The following UBA3 variants were observed in gnomAD, a reference collection of about 807,000 sequenced individuals.
UBA3 encodes the protein NEDD8-activating enzyme E1 catalytic subunit.
Under a neutral mutation model 73.5 loss-of-function variants are expected in UBA3, and 26 were observed. That is an observed-to-expected ratio of 0.35 (90% confidence interval 0.26 to 0.49). The LOEUF (loss-of-function observed/expected upper bound fraction) is 0.49, where lower values mean the gene tolerates loss of function less well. Ranked by LOEUF, UBA3 falls within the 20% of genes least tolerant of loss-of-function variation. The probability of loss-of-function intolerance (pLI) is 0.98; values close to 1 mark genes in which losing one functional copy is unlikely to be tolerated. For synonymous variants in UBA3, 217 were observed against 191.2 expected (o/e 1.13, Z -1.11); for missense variants, 495 against 555.6 (o/e 0.89, Z 1.10).
At position 69,078,811 on chromosome 3, in the gene UBA3, G is replaced by C. The variant is rs571177463; in HGVS notation, c.63-893C>G. On this transcript the variant is annotated intron_variant, in intron 2 of 17. Coordinates refer to ENST00000361055, the MANE Select transcript of UBA3 (RefSeq NM_003968.4). ...TTTAAAGAATCTCTTAATGCTGTGG[G>C]ACGGCTTTTCTTGCCACTAAACACA... Among the ~76,000 whole-genome samples, 4 of 152,238 alleles carry C rather than the reference G, an allele frequency of 2.6e-5. No homozygotes were observed. In the East Asian group the frequency reaches 7.7e-4, roughly 29 times the overall value.
intron 8 of UBA3, 86 bp from the exon 9 acceptor site, chr3:69,063,223 G>T: frequency 1.3e-6 from 2 of 1,533,904 alleles, no homozygotes; most frequent in Non-Finnish European, 1.8e-6. Flanking sequence ...CCTATGAGTC[G>T]GTTGTGCTAT....
chr3:69,061,353 A>G (rs1303729837), intron 11 of UBA3, among the ~76,000 whole-genome samples: 1 of 152,102 alleles, frequency 6.6e-6, no homozygotes, highest in African/African-American at 2.4e-5. Flanking sequence ...GTGCCACCAC[A>G]CCCAGCTAAT....
chr3:69,068,787 T>C lies in UBA3; in HGVS notation c.348-779A>G, dbSNP rs925992071. ...AGTTTTGCCATGTTGGTCAGGCTGG[T>C]CTCGAACTCCTGACCTCAGGTGATC... On this transcript the variant is annotated intron_variant, in intron 5 of 17. Coordinates refer to ENST00000361055, the MANE Select transcript of UBA3 (RefSeq NM_003968.4). Among the ~76,000 whole-genome samples the C allele has an allele frequency of 5.3e-5, 8 of 152,296 alleles. No homozygotes were observed. The East Asian group carries it at 1.4e-3, about 26-fold the overall frequency.
chr3:69,064,080 TGTC>T lies in UBA3; in HGVS notation c.457_459del (p.Asp153del). ...GTAAAAAACTTACGTCGATAGAAAGTGTCGTTAAAATCTTGAATCTTGTTGAAA... is the reference window on the plus strand; with the variant it reads ...GTAAAAAACTTACGTCGATAGAAAGTGTTAAAATCTTGAATCTTGTTGAAA... On this transcript the variant is annotated inframe_deletion, in exon 7 of 18. Transcript: ENST00000361055. 2 of 1,603,258 alleles carry T rather than the reference TGTC, an allele frequency of 1.2e-6. No individual in the cohort carries two copies. The highest frequency in any genetic ancestry group is 1.7e-6 in the Non-Finnish European group (2 of 1,176,196).
intron 10 of UBA3, 62 bp downstream of exon 10, chr3:69,062,015 G>A: frequency 7.0e-7 from 1 of 1,422,778 alleles, no homozygotes; most frequent in East Asian, 2.3e-5. Context: ...ATTATCCAAA[G>A]GAATAATATA....
At position 69,080,158 on chromosome 3, in the gene UBA3, AAG is replaced by A. The variant is rs758801985; in HGVS notation, c.21-7_21-6del. 1.9e-6 allele frequency: 3 copies of A among 1,608,674 alleles called. No homozygotes were observed. Among genetic ancestry groups the A allele is most frequent in the Non-Finnish European group, 2.5e-6 (3 of 1,178,556 alleles). On this transcript the variant is annotated splice_region_variant and splice_polypyrimidine_tract_variant and intron_variant, in intron 1 of 17. Coordinates refer to ENST00000361055, the MANE Select transcript of UBA3 (RefSeq NM_003968.4). ...ATTCTCCTTCTTTTCTTCTCCCTAAAAGAGAGAATAAAAGAAGGGTCAGCATC... is the reference window on the plus strand; with the variant it reads ...ATTCTCCTTCTTTTCTTCTCCCTAAAAGAGAATAAAAGAAGGGTCAGCATC...
intron 3 of UBA3, among the ~76,000 whole-genome samples, chr3:69,075,954 CT>C (rs1264329060): frequency 6.6e-6 from 1 of 152,142 alleles, no homozygotes; most frequent in East Asian, 1.9e-4. Context: ...TGGCCTTGAA[CT>C]CCTGACCTCA....
At position 69,061,944 on chromosome 3, in the gene UBA3, A is replaced by AG. The variant is rs745463603; in HGVS notation, c.797-18dup. ...GAACCCCTTCTGTTTAAAAAAAAAA[A>AG]GGGAGAGAGAGAGAGAGAGAAGACA... On this transcript the variant is annotated splice_polypyrimidine_tract_variant and intron_variant, in intron 10 of 17. Coordinates refer to ENST00000361055, the MANE Select transcript of UBA3 (RefSeq NM_003968.4). The AG allele has an allele frequency of 7.0e-7, 1 of 1,436,262 alleles. No individual in the cohort carries two copies. The allele number at this position is 1,436,262 out of a possible 1,614,324, so 89.0% of individuals were successfully genotyped here.
At position 69,061,908 on chromosome 3, in the gene UBA3, T is replaced by C. The variant is rs898076195; in HGVS notation, c.816A>G (p.Gly272=). The C allele has an allele frequency of 1.9e-6, 3 of 1,603,814 alleles. No homozygotes were observed. Among genetic ancestry groups the C allele is most frequent in the Admixed American group, 3.4e-5 (2 of 58,418 alleles). Residue 272 remains glycine (G), a synonymous_variant, in exon 11 of 18, where the codon GGA becomes GGG. Transcript: ENST00000361055. ...QPFGEGVPLD[G]DDPEHIQWIF... is the part of the protein sequence containing the mutation. ...TCCATTGTATATGTTCAGGATCATC[T>C]CCATCTAATGGAACCCCTTCTGTTT...
intron 3 of UBA3, chr3:69,077,200 GC>G (rs1420271748): frequency 2.0e-5 from 3 of 150,890 alleles, no homozygotes; most frequent in Non-Finnish European, 4.4e-5. Flanking sequence ...CCAAGAGTTT[GC>G]ACGTTAATTT....
chr3:69,071,486 T>C (rs2092121678), intron 5 of UBA3, 49 bp downstream of exon 5: 1 of 998,616 alleles, frequency 1.0e-6, no homozygotes, highest in Non-Finnish European at 1.5e-6. Context: ...CAAGTTCAAA[T>C]GATTATCAGA....
intron 3 of UBA3, 147 bp from the exon 4 acceptor site, chr3:69,075,657 G>C (rs1479341844): frequency 3.0e-6 from 1 of 336,486 alleles, no homozygotes; most frequent in Non-Finnish European, 5.6e-6. Flanking sequence ...TCAATTATTT[G>C]AAATTTGTGA....
intron 11 of UBA3, 109 bp from the exon 12 acceptor site, chr3:69,057,418 G>T: frequency 1.0e-6 from 1 of 957,664 alleles, no homozygotes; most frequent in South Asian, 1.6e-5. Flanking sequence ...TGATTTTTCA[G>T]ACTTTCAAGC....
At chr3:69,077,066 T>C (rs1186732264) in intron 3 of UBA3, among the ~76,000 whole-genome samples, 1 of 151,722 alleles carries the variant, frequency 6.6e-6, no homozygotes, top group Non-Finnish European at 1.5e-5. Context: ...ATATGGTGTG[T>C]TATCTAAAGA....
chr3:69,073,214 T>C (rs762311903), intron 4 of UBA3, among the ~76,000 whole-genome samples: 1 of 152,166 alleles, frequency 6.6e-6, no homozygotes, highest in Admixed American at 6.6e-5. Flanking sequence ...CCAAAGTCTT[T>C]TGTGATATCC....
chr3:69,062,356 GCTGCACTGC>G (rs2092028752), intron 9 of UBA3, among the ~76,000 whole-genome samples, 177 bp from the exon 10 acceptor site: 1 of 152,152 alleles, frequency 6.6e-6, no homozygotes, highest in African/African-American at 2.4e-5. Context: ...CTTCACTTAG[GCTGCACTGC>G]CTGTAAAGAC....
chr3:69,060,006 A>T (rs1344869121), intron 11 of UBA3, among the ~76,000 whole-genome samples: 1 of 152,220 alleles, frequency 6.6e-6, no homozygotes, highest in Non-Finnish European at 1.5e-5. Context: ...CCTTGTGAAC[A>T]AGATAAAGAA....
rs1335494680 is a variant in UBA3, at chr3:69,056,077, T to C, written c.1185-14A>G. Reference sequence around the variant, plus strand: ...GATTTCATTTGCCTAAAGATTATGATGAGAGAGAAGTATCAAACATAATTT... The same window carrying C: ...GATTTCATTTGCCTAAAGATTATGACGAGAGAGAAGTATCAAACATAATTT... On this transcript the variant is annotated splice_polypyrimidine_tract_variant and intron_variant, in intron 15 of 17. Coordinates refer to ENST00000361055, the MANE Select transcript of UBA3 (RefSeq NM_003968.4). 1 of 1,590,490 alleles carries C rather than the reference T, an allele frequency of 6.3e-7. No homozygotes were observed. Among genetic ancestry groups the C allele is most frequent in the South Asian group, 1.2e-5 (1 of 85,938 alleles).
intron 6 of UBA3, among the ~76,000 whole-genome samples, chr3:69,066,875 G>A (rs938557254): frequency 2.0e-5 from 3 of 152,068 alleles, no homozygotes; most frequent in Non-Finnish European, 4.4e-5. Flanking sequence ...GAACTGTTTT[G>A]CACCTTTATC....
Sources: gnomAD v4.1 joint callset for allele counts (sites outside exome capture counted in the v4.1 genomes callset) on GRCh38, gnomAD v4.1.1 for gene constraint, MANE v1.5 for transcripts, NCBI Gene and HGNC (gene_info 2026-07-23, HGNC 2026-07-21) for gene names.